The following PDAP1 variants were observed in gnomAD, a reference collection of about 807,000 sequenced individuals.
PDAP1 encodes 28 kDa heat- and acid-stable phosphoprotein.
In PDAP1, 13 loss-of-function variants were observed where a neutral mutation model predicts 28.0. That is an observed-to-expected ratio of 0.46 (90% CI 0.30 to 0.74). PDAP1 has a LOEUF of 0.74. PDAP1 is among the 30% of genes least tolerant of loss of function. PDAP1 has a pLI of 0.07. For synonymous variants in PDAP1, 77 were observed against 85.1 expected (o/e 0.91, Z 0.52); for missense variants, 150 against 230.0 (o/e 0.65, Z 2.25).
chr7:99,405,707 G>A (rs1459632027), intron 1 of PDAP1, among the ~76,000 whole-genome samples: 1 of 152,114 alleles, frequency 6.6e-6, no homozygotes, highest in Non-Finnish European at 1.5e-5. Context: ...TGGTACAGGG[G>A]TGATAGCTGG....
At chr7:99,404,705 T>G (rs1794937369) in intron 2 of PDAP1, among the ~76,000 whole-genome samples, 157 bp downstream of exon 2, 1 of 152,196 alleles carries the variant, frequency 6.6e-6, no homozygotes, top group Non-Finnish European at 1.5e-5. Flanking sequence ...CTGTCATTGG[T>G]TGTTCTGAGA....
At chr7:99,408,133 C>G (rs1197953767) in intron 1 of PDAP1, among the ~76,000 whole-genome samples, 1 of 152,170 alleles carries the variant, frequency 6.6e-6, no homozygotes, top group Admixed American at 6.5e-5. Flanking sequence ...CTAGGCAGGC[C>G]TGGCTGAACC....
chr7:99,405,867 TACCTTA>T (rs1794962089), intron 1 of PDAP1, among the ~76,000 whole-genome samples: 1 of 152,226 alleles, frequency 6.6e-6, no homozygotes, highest in South Asian at 2.1e-4. Context: ...TCTGTGTCCC[TACCTTA>T]CAGGGTTGTC....
chr7:99,408,463 G>T, intron 1 of PDAP1, 73 bp downstream of exon 1: 2 of 1,302,164 alleles, frequency 1.5e-6, no homozygotes, highest in East Asian at 3.1e-5. Context: ...GACGCGCACG[G>T]GCTGAGGGGA....
intron 1 of PDAP1, among the ~76,000 whole-genome samples, chr7:99,405,425 T>C (rs944401000): frequency 3.4e-5 from 5 of 146,920 alleles, no homozygotes; most frequent in African/African-American, 1.0e-4. Flanking sequence ...AGTGGCGCAA[T>C]CTCGGCTCAC....
rs1316069624 is a variant in PDAP1 at position 99,403,435 on chromosome 7, T to C, written c.176A>G (p.Asp59Gly). 1.9e-6 allele frequency: 3 copies of C among 1,609,922 alleles called. No homozygotes were observed. Among genetic ancestry groups the C allele is most frequent in the Non-Finnish European group, 1.7e-6 (2 of 1,176,164 alleles). The change falls in exon 3 of 6, where the codon GAC becomes GGC. Residue 59 changes from aspartate (D) to glycine (G), a missense_variant. Transcript: ENST00000350498. Reference protein sequence around the residue: ...GDPKKEKKSLDSDESEDEEDD... With the variant: ...GDPKKEKKSLGSDESEDEEDD... ...TTCTTCATCCTCACTCTCATCTGAG[T>C]CTAGAGATTTCTTCTCCTTTTTGGG...
At chr7:99,398,461 AC>A (rs574258160) in intron 4 of PDAP1, among the ~76,000 whole-genome samples, 1 of 152,346 alleles carries the variant, frequency 6.6e-6, no homozygotes, top group South Asian at 2.1e-4. Flanking sequence ...GGAGGCCAAG[AC>A]AAGAGGATCA....
In PDAP1 at chr7:99,400,140, G is replaced by A. The variant is rs548478707; in HGVS notation, c.335+163C>T. ...CCCCTGATATCATGTATCAATTGGTGAAAACAAATTCTGTGTGGCTTTTTA... is the reference window on the plus strand; with the variant it reads ...CCCCTGATATCATGTATCAATTGGTAAAAACAAATTCTGTGTGGCTTTTTA... On this transcript the variant is annotated intron_variant, in intron 4 of 5. Transcript: ENST00000350498. Among the ~76,000 whole-genome samples, 3 of 152,302 alleles carry A rather than the reference G, an allele frequency of 2.0e-5. No homozygotes were observed. The South Asian group carries it at 6.2e-4, about 32-fold the overall frequency.
At chr7:99,405,240 CTGGT>C (rs1794951856) in intron 1 of PDAP1, among the ~76,000 whole-genome samples, 1 of 152,254 alleles carries the variant, frequency 6.6e-6, no homozygotes, top group Non-Finnish European at 1.5e-5. Flanking sequence ...GCTACATCCC[CTGGT>C]CCCTTACAAT....
At position 99,408,564 on chromosome 7, in the gene PDAP1, TGCGGCGGCG is replaced by T. The variant is rs753335575; in HGVS notation, c.-25_-17del. On this transcript the variant is annotated 5_prime_UTR_variant, in exon 1 of 6. Coordinates refer to ENST00000350498, the MANE Select transcript of PDAP1 (RefSeq NM_014891.7). ...CTTTAGGCATTGCGGCTCCGGCGGCTGCGGCGGCGGCGGCGGCGCCTCGAACTGACACCG... is the reference window on the plus strand; with the variant it reads ...CTTTAGGCATTGCGGCTCCGGCGGCTGCGGCGGCGCCTCGAACTGACACCG... The T allele has an allele frequency of 7.9e-6, 10 of 1,264,490 alleles. No individual in the cohort carries two copies. Among genetic ancestry groups the T allele is most frequent in the African/African-American group, 1.6e-5 (1 of 64,188 alleles). 78.3% of individuals were successfully genotyped at this position (1,264,490 alleles called of 1,614,324 possible).
chr7:99,403,158 G>A (rs1189423469), intron 3 of PDAP1, among the ~76,000 whole-genome samples: 2 of 152,128 alleles, frequency 1.3e-5, no homozygotes, highest in Admixed American at 1.3e-4. Flanking sequence ...TTTATAAGTT[G>A]CTTCACCACC....
At chr7:99,404,757 G>A (rs929915263) in intron 2 of PDAP1, 105 bp downstream of exon 2, 2 of 821,350 alleles carry the variant, frequency 2.4e-6, no homozygotes, top group Non-Finnish European at 3.9e-6. Context: ...CCCACGTGCT[G>A]GCTTGTCCCT....
chr7:99,396,830 G>C (rs1794776977), intron 5 of PDAP1, 90 bp from the exon 6 acceptor site: 1 of 995,876 alleles, frequency 1.0e-6, no homozygotes. Context: ...CTTTAGGTCT[G>C]AAAGGCTGCA....
At chr7:99,406,276 C>T (rs763366024) in intron 1 of PDAP1, among the ~76,000 whole-genome samples, 1 of 150,224 alleles carries the variant, frequency 6.7e-6, no homozygotes, top group Non-Finnish European at 1.5e-5. Context: ...CTGTTCGTTA[C>T]TTTTCCCTCT....
intron 5 of PDAP1, 29 bp from the exon 6 acceptor site, chr7:99,396,769 A>T: frequency 6.3e-7 from 1 of 1,589,162 alleles, no homozygotes; most frequent in Non-Finnish European, 8.6e-7. Context: ...GCAGGGGTTA[A>T]AACAAAGCAA....
At chr7:99,406,462 A>T in intron 1 of PDAP1, 2 of 586,402 alleles carry the variant, frequency 3.4e-6, no homozygotes, top group Non-Finnish European at 4.3e-6. Flanking sequence ...CTTTGTGCTT[A>T]GACTAAGAAA....
chr7:99,406,419 GA>G (rs1050860976), intron 1 of PDAP1, among the ~76,000 whole-genome samples: 15 of 151,780 alleles, frequency 9.9e-5, no homozygotes, highest in Non-Finnish European at 1.9e-4. Flanking sequence ...ATACTTAAGG[GA>G]AAAAAAAGAA....
chr7:99,398,015 T>C lies in PDAP1; in HGVS notation c.336-2A>G. The C allele has an allele frequency of 6.2e-7, 1 of 1,614,140 alleles. No homozygotes were observed. The highest frequency in any genetic ancestry group is 8.5e-7 in the Non-Finnish European group (1 of 1,180,008). On this transcript the variant is annotated splice_acceptor_variant, in intron 4 of 5. Transcript: ENST00000350498. LOFTEE classifies it high-confidence loss of function. ...GCCTTCTGCTTCTCAATCTCTTCTC[T>C]GTGTGGATAAAATGGTGTCATGGGG...
chr7:99,405,523 C>A (rs757523477), intron 1 of PDAP1, among the ~76,000 whole-genome samples: 1 of 152,100 alleles, frequency 6.6e-6, no homozygotes, highest in African/African-American at 2.4e-5. Flanking sequence ...CTATGCCCAG[C>A]TTATTTATTT....
Sources: gnomAD v4.1 joint callset for allele counts (sites outside exome capture counted in the v4.1 genomes callset) on GRCh38, gnomAD v4.1.1 for gene constraint, MANE v1.5 for transcripts, NCBI Gene and HGNC (gene_info 2026-07-23, HGNC 2026-07-21) for gene names.